MCU: variants seen among roughly 807,000 people sequenced by gnomAD.
MCU encodes the protein calcium uniporter protein, mitochondrial.
Under a neutral mutation model 45.2 loss-of-function variants are expected in MCU, and 12 were observed. The ratio of observed to expected loss-of-function variants is 0.27; its 90% CI spans 0.17 to 0.43. MCU has a LOEUF of 0.43. Among genes scored for constraint, MCU ranks in the 20% least tolerant of loss-of-function variants. The pLI is 1.00. For synonymous variants in MCU, 160 were observed against 165.1 expected (o/e 0.97, Z 0.24); for missense variants, 324 against 436.7 (o/e 0.74, Z 2.30).
intron 1 of MCU, among the ~76,000 whole-genome samples, chr10:72,824,453 C>T (rs538881623): frequency 6.6e-6 from 1 of 151,734 alleles, no homozygotes; most frequent in South Asian, 2.1e-4. Flanking sequence ...AGGAAATCCG[C>T]CTGCCTCAGC....
intron 1 of MCU, among the ~76,000 whole-genome samples, chr10:72,710,557 T>G (rs1308029852): frequency 1.3e-5 from 2 of 148,380 alleles, no homozygotes; most frequent in Non-Finnish European, 3.0e-5. Flanking sequence ...TTTTTTTTTT[T>G]TTTTTTTTTT....
intron 2 of MCU, among the ~76,000 whole-genome samples, chr10:72,848,454 T>G (rs1339728759): frequency 2.6e-5 from 4 of 151,664 alleles, no homozygotes; most frequent in East Asian, 1.9e-4. Flanking sequence ...TCACCGTTTT[T>G]GGGAGTGGAT....
chr10:72,863,018 A>G (rs1311726516), intron 4 of MCU, among the ~76,000 whole-genome samples: 4 of 152,030 alleles, frequency 2.6e-5, no homozygotes, highest in Non-Finnish European at 5.9e-5. Context: ...ACCTTTTAAA[A>G]TGTTTTCTTT....
intron 1 of MCU, chr10:72,692,584 C>T: frequency 4.5e-6 from 5 of 1,100,020 alleles, no homozygotes; most frequent in Non-Finnish European, 5.5e-6. Context: ...ACTTGAACCT[C>T]TCCCCGACTC....
chr10:72,780,552 T>TGTGTGTGTG (rs770728826), intron 1 of MCU, among the ~76,000 whole-genome samples: 46 of 20,262 alleles, frequency 2.3e-3, no homozygotes, highest in Non-Finnish European at 3.4e-3. Context: ...GTGTGTGTGT[T>TGTGTGTGTG]GGGTGAATTT....
rs188120397 is a variant in MCU, at chr10:72,849,528, G to A, written c.221-9649G>A. ...AGCAGACAATTGAATATAGGCTTGG[G>A]ATATCATCAGCATTTACATGAGACT... is the stretch of plus-strand genomic sequence containing the variant. On this transcript the variant is annotated intron_variant, in intron 2 of 7. Coordinates refer to ENST00000373053, the MANE Select transcript of MCU (RefSeq NM_138357.3). 1.9e-4 allele frequency among the ~76,000 whole-genome samples: 29 copies of A among 152,244 alleles called. No homozygotes were observed. The East Asian group carries it at 5.6e-3, about 29-fold the overall frequency.
chr10:72,791,791 T>C (rs1844164356), intron 1 of MCU, among the ~76,000 whole-genome samples: 1 of 152,130 alleles, frequency 6.6e-6, no homozygotes, highest in Non-Finnish European at 1.5e-5. Context: ...TTTTAATTTT[T>C]TCCCTTCTGA....
rs116604406 is a variant in MCU at position 72,826,030 on chromosome 10, A to T, written c.151-8329A>T. Among the ~76,000 whole-genome samples the T allele has an allele frequency of 1.1e-3, 175 of 152,292 alleles. 1 individual carries two copies. The highest frequency in any genetic ancestry group is 4.0e-3 in the African/African-American group (167 of 41,564). ...TTGAATAATGGTGAAGGGTCTGACA[A>T]TACTGTTCCTAGCTAACTAATGCAT... is the stretch of plus-strand genomic sequence containing the variant. On this transcript the variant is annotated intron_variant, in intron 1 of 7. Coordinates refer to ENST00000373053, the MANE Select transcript of MCU (RefSeq NM_138357.3).
intron 1 of MCU, among the ~76,000 whole-genome samples, chr10:72,720,092 G>A (rs1843001517): frequency 6.6e-6 from 1 of 151,982 alleles, no homozygotes; most frequent in Non-Finnish European, 1.5e-5. Context: ...TGCCCAGCTG[G>A]TCTTGCACTC....
intron 1 of MCU, among the ~76,000 whole-genome samples, chr10:72,771,304 T>C (rs1227414902): frequency 1.3e-5 from 2 of 152,206 alleles, no homozygotes; most frequent in African/African-American, 4.8e-5. Context: ...TGGTTTTCTA[T>C]TCCTGTGTTA....
intron 2 of MCU, among the ~76,000 whole-genome samples, chr10:72,847,703 T>C (rs1845143928): frequency 6.6e-6 from 1 of 152,200 alleles, no homozygotes; most frequent in African/African-American, 2.4e-5. Flanking sequence ...TCTTTTATTA[T>C]CTCTCATGTT....
intron 2 of MCU, among the ~76,000 whole-genome samples, chr10:72,847,173 C>T (rs1564573261): frequency 6.6e-6 from 1 of 152,140 alleles, no homozygotes; most frequent in Non-Finnish European, 1.5e-5. Context: ...CGGAGTTTTG[C>T]CATGTTGGCC....
chr10:72,819,727 CTT>C (rs71021538), intron 1 of MCU, among the ~76,000 whole-genome samples: 7 of 102,598 alleles, frequency 6.8e-5, no homozygotes, highest in South Asian at 3.4e-4. Flanking sequence ...TTTTTCCAGT[CTT>C]TTTTTTTTTT....
chr10:72,739,796 C>A (rs991755351), intron 1 of MCU, among the ~76,000 whole-genome samples: 2 of 151,562 alleles, frequency 1.3e-5, no homozygotes, highest in African/African-American at 4.9e-5. Context: ...CTTGCCTTAG[C>A]CTCCCGAGTA....
intron 1 of MCU, among the ~76,000 whole-genome samples, chr10:72,762,674 A>C (rs959996275): frequency 6.6e-6 from 1 of 152,210 alleles, no homozygotes; most frequent in African/African-American, 2.4e-5. Context: ...GAGCACCTCT[A>C]CGTACAGGAA....
intron 1 of MCU, among the ~76,000 whole-genome samples, chr10:72,819,650 G>A (rs1192271771): frequency 6.7e-6 from 1 of 149,780 alleles, no homozygotes; most frequent in African/African-American, 2.5e-5. Flanking sequence ...TCAAATCTAT[G>A]TAGAAGTGAA....
At position 72,849,669 on chromosome 10, in the gene MCU, A is replaced by T. The variant is rs554981557; in HGVS notation, c.221-9508A>T. Reference sequence around the variant, plus strand: ...AGAGGAAGAATAGCTTATGAGGGGAAATTAGAAGGTCTAGACAGAAAGAAA... The same window carrying T: ...AGAGGAAGAATAGCTTATGAGGGGATATTAGAAGGTCTAGACAGAAAGAAA... On this transcript the variant is annotated intron_variant, in intron 2 of 7. Coordinates refer to ENST00000373053, the MANE Select transcript of MCU (RefSeq NM_138357.3). 8.3e-4 allele frequency among the ~76,000 whole-genome samples: 127 copies of T among 152,270 alleles called. 2 individuals are homozygous for T. In the Middle Eastern group the frequency reaches 0.017, roughly 20 times the overall value.
intron 1 of MCU, chr10:72,721,162 G>C (rs187998275): frequency 6.5e-6 from 1 of 154,190 alleles, no homozygotes; most frequent in Non-Finnish European, 1.5e-5. Flanking sequence ...CCCTGCTTTT[G>C]TTCTTTCTTA....
chr10:72,859,061 T>A, intron 2 of MCU, 116 bp from the exon 3 acceptor site: 1 of 1,050,456 alleles, frequency 9.5e-7, no homozygotes, highest in Middle Eastern at 3.3e-4. Context: ...TTAAACCTTC[T>A]TTGAAAACAT....
Sources: allele counts gnomAD v4.1 joint callset (sites outside exome capture counted in the v4.1 genomes callset), GRCh38; gene constraint gnomAD v4.1.1; transcripts MANE v1.5; gene names NCBI Gene and HGNC (gene_info 2026-07-23, HGNC 2026-07-21).